Variants in CHADL observed in about 807,000 individuals in gnomAD.
CHADL encodes chondroadherin like.
In CHADL, 48 loss-of-function variants were observed where a neutral mutation model predicts 52.1. The observed-to-expected ratio is 0.92, with a 90% CI of 0.73 to 1.17. The LOEUF (loss-of-function observed/expected upper bound fraction) is 1.17. CHADL is among the 50% of genes most tolerant of loss of function. The pLI, the probability that CHADL is intolerant of heterozygous loss-of-function variation, is 0.00. For missense variants in CHADL, 977 were observed against 1,035.1 expected (o/e 0.94, Z 0.77); for synonymous variants, 498 against 511.2 (o/e 0.97, Z 0.35).
In CHADL at chr22:41,235,318, C is replaced by T. The variant is rs545428296; in HGVS notation, c.2089G>A (p.Val697Met). 1.3e-6 allele frequency: 2 copies of T among 1,550,946 alleles called. No homozygotes were observed. Among genetic ancestry groups the T allele is most frequent in the East Asian group, 2.4e-5 (1 of 40,912 alleles). The stretch of plus-strand genomic sequence containing the variant: ...GGAGGGGTGGCGCAGGTGGCCCCCA[C>T]CCGCAGGTTCAGCCCAGTAAGCCAC... ...HRWLTGLNLR[V>M]GATCATPPNA... The change falls in exon 5 of 6, where the codon GTG becomes ATG. Residue 697 changes from valine (V) to methionine (M), a missense_variant. By Grantham distance (21) the Val-to-Met change is conservative (BLOSUM62 1). Coordinates refer to ENST00000216241, the MANE Select transcript of CHADL (RefSeq NM_138481.2).
At position 41,237,221 on chromosome 22, in the gene CHADL, G is replaced by A. The variant is rs967336437; in HGVS notation, c.1851C>T (p.Gly617=). The A allele has an allele frequency of 6.5e-7, 1 of 1,549,744 alleles. No individual in the cohort carries two copies. The highest frequency in any genetic ancestry group is 8.7e-7 in the Non-Finnish European group (1 of 1,146,452). ...ALRDGAFQPV[G]RSLQHLFLNS... is the part of the protein sequence containing the mutation. ...TCAGGAAGAGGTGCTGCAGCGACCT[G>A]CCCACAGGCTGGAAGGCTCCGTCAC... Residue 617 remains glycine (G), a synonymous_variant, in exon 3 of 6, where the codon GGC becomes GGT. Transcript: ENST00000216241.
At position 41,236,558 on chromosome 22, in the gene CHADL, A is replaced by G. The variant is rs1328164999; in HGVS notation, c.1989T>C (p.Ser663=). 1 of 1,551,346 alleles carries G rather than the reference A, an allele frequency of 6.4e-7. No homozygotes were observed. The highest frequency in any genetic ancestry group is 2.0e-5 in the Admixed American group (1 of 50,990). ...NQLRALPALP[S]LSQLELIDLS... ...GGTCGATGAGCTCCAGCTGGCTGAG[A>G]CTGGGCAGGGCAGGCAGGGCCCGAA... Residue 663 remains serine, a synonymous_variant, in exon 4 of 6, where the codon AGT becomes AGC. Transcript: ENST00000216241.
Position 41,229,719 on chromosome 22 carries a change from C to T in CHADL, c.2274G>A (p.Glu758=), listed in dbSNP as rs1052780964. Residue 758 remains glutamate (E), a synonymous_variant, in exon 6 of 6, where the codon GAG becomes GAA. Transcript: ENST00000216241. ...TGCTCCGTGCTCAGAGACGACCCTT[C>T]TCCTTCCCCACCTGGGCACAGAAGA... is the stretch of plus-strand genomic sequence containing the variant. ...RQCGADKVGK[E]KGRL is the part of the protein sequence containing the mutation. The T allele has an allele frequency of 8.1e-6, 13 of 1,611,948 alleles. No homozygotes were observed. The highest frequency in any genetic ancestry group is 2.7e-5 in the African/African-American group (2 of 74,856).
intron 5 of CHADL, chr22:41,230,939 A>C (rs2032555007): frequency 6.6e-6 from 1 of 152,130 alleles, no homozygotes; most frequent in African/African-American, 2.4e-5. Context: ...TTCCTAAAGG[A>C]AATGCCCCCG....
In CHADL at chr22:41,240,887, C is replaced by A. The variant is rs1270217406; in HGVS notation, c.-6G>T. ...CCAAAGACTCACCCCTCCATGCCGC[C>A]TGGAACTGCTGGTCCAGCCTGGAGG... On this transcript the variant is annotated 5_prime_UTR_variant, in exon 1 of 6. It adds an upstream start codon to the 5' untranslated region. Coordinates refer to ENST00000216241, the MANE Select transcript of CHADL (RefSeq NM_138481.2). 1 of 1,550,044 alleles carries A rather than the reference C, an allele frequency of 6.5e-7. No homozygotes were observed.
chr22:41,240,650 A>G (rs1414146885), intron 1 of CHADL, among the ~76,000 whole-genome samples: 1 of 152,176 alleles, frequency 6.6e-6, no homozygotes, highest in Admixed American at 6.5e-5. Context: ...TGCAGGGACC[A>G]CTGCTGGGCT....
At chr22:41,229,870 C>CCCT (rs989351912) in intron 5 of CHADL, 140 bp from the exon 6 acceptor site, 8 of 800,656 alleles carry the variant, frequency 1.0e-5, no homozygotes, top group Middle Eastern at 3.5e-4. Context: ...CGGCCCCGGC[C>CCCT]CCTCCTCCTC....
intron 3 of CHADL, among the ~76,000 whole-genome samples, 163 bp downstream of exon 3, chr22:41,237,013 T>C (rs374923266): frequency 6.6e-6 from 1 of 152,242 alleles, no homozygotes. Context: ...CTGCCCGGAC[T>C]GTCACTCACA....
Position 41,238,430 on chromosome 22 carries a change from G to A in CHADL, c.642C>T (p.His214=). Residue 214 remains histidine, a synonymous_variant, in exon 3 of 6, where the codon CAC becomes CAT. Transcript: ENST00000216241. This position sits in a 1 kb window ranked among gnomAD's most constrained non-coding sequence, Gnocchi z 4.9. ...GLPALRRLSL[H]HNELQALPGP... is the part of the protein sequence containing the mutation. Reference sequence around the variant, plus strand: ...CGGGCAGAGCCTGGAGCTCGTTGTGGTGTAGGCTGAGCCGTCTCAGGGCGG... The same window carrying A: ...CGGGCAGAGCCTGGAGCTCGTTGTGATGTAGGCTGAGCCGTCTCAGGGCGG... 1 of 1,526,886 alleles carries A rather than the reference G, an allele frequency of 6.5e-7. No individual in the cohort carries two copies. The highest frequency in any genetic ancestry group is 8.8e-7 in the Non-Finnish European group (1 of 1,139,906). The allele number at this position is 1,526,886 out of a possible 1,614,324, so 94.6% of individuals were successfully genotyped here.
chr22:41,229,640 G>T lies in CHADL; in HGVS notation c.*64C>A. The T allele has an allele frequency of 6.2e-7, 1 of 1,613,674 alleles. No individual in the cohort carries two copies. Among genetic ancestry groups the T allele is most frequent in the Non-Finnish European group, 8.5e-7 (1 of 1,180,028 alleles). ...AGGGTGCCAGGAAGATCTCGTCGGA[G>T]CCTGTTCCTGGCGAGAGTAAGAGCC... On this transcript the variant is annotated 3_prime_UTR_variant, in exon 6 of 6. Coordinates refer to ENST00000216241, the MANE Select transcript of CHADL (RefSeq NM_138481.2).
chr22:41,234,164 TG>T (rs1240454603), intron 5 of CHADL, among the ~76,000 whole-genome samples: 1 of 152,092 alleles, frequency 6.6e-6, no homozygotes, highest in Non-Finnish European at 1.5e-5. Context: ...TAGGTCAGGC[TG>T]GGACATGGTT....
intron 3 of CHADL, 54 bp from the exon 4 acceptor site, chr22:41,236,704 C>T (rs2032746808): frequency 1.1e-5 from 17 of 1,483,288 alleles, no homozygotes; most frequent in Non-Finnish European, 1.4e-5. Context: ...TGTCCCACCC[C>T]CAAGTCTGGA....
chr22:41,239,717 C>A (rs1291084675), intron 1 of CHADL, 97 bp from the exon 2 acceptor site: 2 of 1,095,750 alleles, frequency 1.8e-6, no homozygotes, highest in East Asian at 2.9e-5. Context: ...GCCCCAAAAA[C>A]CCCTCAGAGC....
chr22:41,233,125 C>G (rs182661693), intron 5 of CHADL, among the ~76,000 whole-genome samples: 1 of 152,154 alleles, frequency 6.6e-6, no homozygotes, highest in Admixed American at 6.5e-5. Context: ...AAAATGACAT[C>G]CTTAGGTTGG....
chr22:41,229,997 C>T, intron 5 of CHADL: 1 of 701,870 alleles, frequency 1.4e-6, no homozygotes, highest in East Asian at 2.7e-5. Context: ...CTGCCACTGC[C>T]CTCCCAGAAG....
At chr22:41,230,290 G>C (rs768678438) in intron 5 of CHADL, 7 of 1,502,366 alleles carry the variant, frequency 4.7e-6, no homozygotes, top group East Asian at 4.5e-5. Flanking sequence ...CTGGAAGCCA[G>C]CCCAGCGTTT....
intron 3 of CHADL, among the ~76,000 whole-genome samples, 176 bp downstream of exon 3, chr22:41,237,000 G>C (rs1055182964): frequency 6.6e-6 from 1 of 152,218 alleles, no homozygotes; most frequent in African/African-American, 2.4e-5. Flanking sequence ...TGTGGCCTGG[G>C]TTCTGCCCGG....
rs755572016 is a variant in CHADL, at chr22:41,240,917, G to C, written c.-36C>G. The C allele has an allele frequency of 6.5e-7, 1 of 1,544,882 alleles. No individual in the cohort carries two copies. The highest frequency in any genetic ancestry group is 8.7e-7 in the Non-Finnish European group (1 of 1,145,532). On this transcript the variant is annotated 5_prime_UTR_variant, in exon 1 of 6. Transcript: ENST00000216241. ...ACTGCTGGTCCAGCCTGGAGGCGCA[G>C]CGCAGGGACAGGCTGTCCCCGCCTG... is the stretch of plus-strand genomic sequence containing the variant.
intron 5 of CHADL, chr22:41,230,315 C>G (rs1237021020): frequency 1.1e-5 from 13 of 1,172,118 alleles, no homozygotes; most frequent in Non-Finnish European, 1.4e-5. Flanking sequence ...ACCACCACCA[C>G]CATGCCTCCA....
Sources: allele counts gnomAD v4.1 joint callset (sites outside exome capture counted in the v4.1 genomes callset), GRCh38; gene constraint gnomAD v4.1.1; non-coding constraint Gnocchi (gnomAD v3.1); transcripts MANE v1.5; gene names NCBI Gene and HGNC (gene_info 2026-07-23, HGNC 2026-07-21).